The following STK10 variants were observed in gnomAD, a reference collection of about 807,000 sequenced individuals.
The protein encoded by STK10 is serine/threonine kinase 10.
STK10 carries 78 observed loss-of-function variants against 113.8 expected under a neutral mutation model. The observed-to-expected ratio is 0.69, with a 90% confidence interval of 0.57 to 0.83. The LOEUF is 0.83. STK10 is among the 40% of genes least tolerant of loss of function. The pLI is 0.00. For synonymous variants in STK10, 465 were observed against 494.7 expected (o/e 0.94, Z 0.80); for missense variants, 1,109 against 1,280.1 (o/e 0.87, Z 2.04).
At position 172,093,776 on chromosome 5, in the gene STK10, G is replaced by A. The variant is rs752763522; in HGVS notation, c.1190C>T (p.Ala397Val). ...SLQTTSPPVV[A>V]PGNENGLAVP... ...TGCCAGGCCGTTCTCATTTCCAGGG[G>A]CCACGACTGGGGGACTGGTGGTTTG... The change falls in exon 9 of 19, where the codon GCC becomes GTC. Residue 397 changes from alanine (A) to valine (V), a missense_variant. Around this residue, in one of 5 missense-constraint regions of STK10, gnomAD observed 885 missense variants for 991.1 expected, o/e 0.89. Transcript: ENST00000176763. This position sits in a 1 kb window ranked among gnomAD's most constrained non-coding sequence, Gnocchi z 4.1. 12 of 1,610,162 alleles carry A rather than the reference G, an allele frequency of 7.5e-6. No homozygotes were observed. Among genetic ancestry groups the A allele is most frequent in the Middle Eastern group, 1.7e-4 (1 of 6,050 alleles).
intron 2 of STK10, among the ~76,000 whole-genome samples, chr5:172,145,944 G>A (rs967936648): frequency 5.3e-5 from 8 of 152,178 alleles, no homozygotes; most frequent in African/African-American, 1.9e-4. Flanking sequence ...CCTGCCCCGT[G>A]CAAGGCTGGA....
chr5:172,098,197 T>C (rs765821793), intron 7 of STK10, among the ~76,000 whole-genome samples: 3 of 152,244 alleles, frequency 2.0e-5, no homozygotes, highest in South Asian at 2.1e-4. Flanking sequence ...AGAACGTATA[T>C]GTTCATCACA....
chr5:172,078,419 C>T (rs10070968), intron 12 of STK10, among the ~76,000 whole-genome samples: 2 of 151,718 alleles, frequency 1.3e-5, no homozygotes, highest in African/African-American at 2.4e-5. Flanking sequence ...TTTGGGAGGC[C>T]GAGGCAGGAG....
intron 3 of STK10, among the ~76,000 whole-genome samples, chr5:172,118,007 T>C (rs1224580355): frequency 3.3e-5 from 3 of 90,142 alleles, no homozygotes; most frequent in Admixed American, 1.5e-4. Context: ...TGATACTCCA[T>C]CTCAAAAAAA....
In STK10 at chr5:172,042,530, A is replaced by G. The variant is rs1216990442; in HGVS notation, c.*2352T>C. ...AACCATGAAACTGGCATTTCACCTAATACTTTCTCACACGCCAGGCTACAC... is the reference window on the plus strand; with the variant it reads ...AACCATGAAACTGGCATTTCACCTAGTACTTTCTCACACGCCAGGCTACAC... On this transcript the variant is annotated 3_prime_UTR_variant, in exon 19 of 19. Transcript: ENST00000176763. The G allele has an allele frequency of 2.0e-5, 3 of 152,428 alleles. No homozygotes were observed. Among genetic ancestry groups the G allele is most frequent in the East Asian group, 1.9e-4 (1 of 5,192 alleles). The allele number at this position is 152,428 out of a possible 1,614,324, so 9.4% of individuals were successfully genotyped here.
intron 3 of STK10, among the ~76,000 whole-genome samples, chr5:172,127,000 C>T (rs1046625707): frequency 6.6e-6 from 1 of 152,142 alleles, no homozygotes; most frequent in Non-Finnish European, 1.5e-5. Flanking sequence ...CCCTCCATCT[C>T]TACTAAAAAT....
Position 172,093,319 on chromosome 5 carries a change from G to C in STK10, c.1554+93C>G, listed in dbSNP as rs541515447. 6.3e-5 allele frequency: 86 copies of C among 1,362,152 alleles called. No homozygotes were observed. Among genetic ancestry groups the C allele is most frequent in the Middle Eastern group, 4.6e-4 (2 of 4,342 alleles). The allele number at this position is 1,362,152 out of a possible 1,614,324, so 84.4% of individuals were successfully genotyped here. The stretch of plus-strand genomic sequence containing the variant: ...CCCTAATGAACCACTTAAAATGCAA[G>C]GAAGCCCCTAAATGCTTTTGAAACC... On this transcript the variant is annotated intron_variant, in intron 9 of 18. Transcript: ENST00000176763. This position sits in a 1 kb window ranked among gnomAD's most constrained non-coding sequence, Gnocchi z 4.1.
rs569774401 is a variant in STK10, at chr5:172,179,433, A to C, written c.156+8454T>G. Among the ~76,000 whole-genome samples, 128 of 152,304 alleles carry C rather than the reference A, an allele frequency of 8.4e-4. 1 individual carries two copies. The highest frequency in any genetic ancestry group is 2.8e-3 in the African/African-American group (116 of 41,566). On this transcript the variant is annotated intron_variant, in intron 1 of 18. Coordinates refer to ENST00000176763, the MANE Select transcript of STK10 (RefSeq NM_005990.4). ...GGGGCTATGGGGTGACAACCTCTGGAGAGTCCCCCTAATCTAGGTAACCTT... is the reference window on the plus strand; with the variant it reads ...GGGGCTATGGGGTGACAACCTCTGGCGAGTCCCCCTAATCTAGGTAACCTT...
intron 9 of STK10, among the ~76,000 whole-genome samples, chr5:172,090,695 G>A (rs999942410): frequency 2.0e-5 from 3 of 151,956 alleles, no homozygotes; most frequent in Non-Finnish European, 4.4e-5. Context: ...CCAGCACTTT[G>A]GGAGGCCGAG....
rs1770967072 is a variant in STK10, at chr5:172,187,239, A to C, written c.156+648T>G. ...GTGACTGCAGGCTGGGAGACTCCCC[A>C]GCTGTGACTCAGACCGACGGAATCA... On this transcript the variant is annotated intron_variant, in intron 1 of 18. Coordinates refer to ENST00000176763, the MANE Select transcript of STK10 (RefSeq NM_005990.4). The surrounding 1 kb of genome is among the most constrained non-coding windows in gnomAD (Gnocchi z 4.6). Among the ~76,000 whole-genome samples, 1 of 152,000 alleles carries C rather than the reference A, an allele frequency of 6.6e-6. No individual in the cohort carries two copies. The highest frequency in any genetic ancestry group is 2.1e-4 in the South Asian group (1 of 4,830).
intron 18 of STK10, among the ~76,000 whole-genome samples, chr5:172,048,869 C>A (rs1244848160): frequency 6.6e-6 from 1 of 152,098 alleles, no homozygotes. Flanking sequence ...CACCTCCCAC[C>A]GTCACCACCA....
chr5:172,169,772 C>A (rs138761999), intron 1 of STK10, among the ~76,000 whole-genome samples: 1 of 152,104 alleles, frequency 6.6e-6, no homozygotes, highest in Non-Finnish European at 1.5e-5. Flanking sequence ...GAATCGACCC[C>A]GCTCCCTCCG....
At chr5:172,077,060 CG>C (rs541870255) in intron 12 of STK10, among the ~76,000 whole-genome samples, 293 of 152,314 alleles carry the variant, frequency 1.9e-3, no homozygotes, top group Non-Finnish European at 3.4e-3. Context: ...CAGTATCCCC[CG>C]AGGACATTCA....
rs1487303857 is a variant in STK10, at chr5:172,163,613, G to C, written c.157-6825C>G. 2.0e-5 allele frequency among the ~76,000 whole-genome samples: 3 copies of C among 152,282 alleles called. No homozygotes were observed. The East Asian group carries it at 5.8e-4, about 29-fold the overall frequency. On this transcript the variant is annotated intron_variant, in intron 1 of 18. Transcript: ENST00000176763. ...CTGTGAGCTGTCACAGTGGCCTCCT[G>C]ACTCCCGGCCTAGTGTTCACTACAC...
At chr5:172,151,083 G>C (rs1247528666) in intron 2 of STK10, among the ~76,000 whole-genome samples, 1 of 152,252 alleles carries the variant, frequency 6.6e-6, no homozygotes, top group Admixed American at 6.5e-5. Flanking sequence ...GTGAAGGAGA[G>C]GCACGATGAA....
At chr5:172,058,306 C>T (rs1477079384) in intron 14 of STK10, among the ~76,000 whole-genome samples, 1 of 152,224 alleles carries the variant, frequency 6.6e-6, no homozygotes, top group Non-Finnish European at 1.5e-5. Flanking sequence ...TTACCAACAT[C>T]ATGGGATAGG....
chr5:172,114,449 TTATATA>T lies in STK10; in HGVS notation c.520+3026_520+3031del, dbSNP rs1174071621. The stretch of plus-strand genomic sequence containing the variant: ...AGCTCCAAATTTATGTATATTAAAA[TTATATA>T]TATATATATATATATATATTTTTTT... On this transcript the variant is annotated intron_variant, in intron 4 of 18. Transcript: ENST00000176763. 82 of 38,238 alleles carry T rather than the reference TTATATA, an allele frequency of 2.1e-3. 3 individuals are homozygous for T. Among genetic ancestry groups the T allele is most frequent in the African/African-American group, 7.7e-3 (71 of 9,178 alleles). The allele number at this position is 38,238 out of a possible 1,614,324, so 2.4% of individuals were successfully genotyped here. A position where few individuals can be genotyped will look rare whatever the true frequency, so the allele number is the denominator to read the frequency against.
intron 12 of STK10, among the ~76,000 whole-genome samples, chr5:172,081,845 C>T (rs563355657): frequency 1.3e-5 from 2 of 152,290 alleles, no homozygotes; most frequent in Admixed American, 6.5e-5. Flanking sequence ...CAGAGCAGCT[C>T]GAGAGATGTG....
intron 18 of STK10, chr5:172,045,613 A>G: frequency 3.1e-6 from 1 of 322,100 alleles, no homozygotes. Flanking sequence ...CTCAGAGGAG[A>G]GCTCTAGTTG....
Sources: gnomAD v4.1 joint callset for allele counts (sites outside exome capture counted in the v4.1 genomes callset) on GRCh38, gnomAD v4.1.1 for gene constraint, gnomAD v4.1.1 regional missense constraint, Gnocchi (gnomAD v3.1) non-coding constraint, MANE v1.5 for transcripts, NCBI Gene and HGNC (gene_info 2026-07-23, HGNC 2026-07-21) for gene names.